The following TSHZ3 variants were observed in gnomAD, a reference collection of about 807,000 sequenced individuals.
The protein encoded by TSHZ3 is teashirt homolog 3.
In TSHZ3, 10 loss-of-function variants were observed where a neutral mutation model predicts 64.5. The observed-to-expected ratio is 0.16, with a 90% CI of 0.10 to 0.26. The LOEUF is 0.26. TSHZ3 is among the 10% of genes least tolerant of loss of function. TSHZ3 has a pLI of 1.00. For missense variants in TSHZ3, 1,242 were observed against 1,421.7 expected, an observed-to-expected ratio of 0.87 and a Z score of 2.03; for synonymous variants, 608 against 593.1, an observed-to-expected ratio of 1.03 and a Z score of -0.36.
chr19:31,203,256 G>A (rs141875842), intron 5 of TSHZ3, among the ~76,000 whole-genome samples: 165 of 152,262 alleles, frequency 1.1e-3, no homozygotes, highest in Non-Finnish European at 1.7e-3. Context: ...GGCACAATTG[G>A]CATGCTGAAG....
At chr19:31,319,860 A>G (rs1261801999) in intron 1 of TSHZ3, among the ~76,000 whole-genome samples, 1 of 149,576 alleles carries the variant, frequency 6.7e-6, no homozygotes, top group East Asian at 2.0e-4. Flanking sequence ...TGAATGACAT[A>G]TATGGACTCT....
intron 1 of TSHZ3, among the ~76,000 whole-genome samples, chr19:31,246,818 C>T (rs1049674754): frequency 1.3e-5 from 2 of 152,090 alleles, no homozygotes; most frequent in South Asian, 2.1e-4. Context: ...GGCCTGCAAC[C>T]GAGAAAGCAC....
chr19:31,251,626 C>T (rs1332135624), intron 1 of TSHZ3, among the ~76,000 whole-genome samples: 1 of 152,210 alleles, frequency 6.6e-6, no homozygotes, highest in Admixed American at 6.5e-5. Flanking sequence ...CCCAACCCTG[C>T]CGTGATATGG....
At position 31,278,381 on chromosome 19, in the gene TSHZ3, T is replaced by C; in HGVS notation, c.1412A>G (p.Lys471Arg). Residue 471 changes from lysine to arginine, a missense_variant, in exon 2 of 2, where the codon AAG becomes AGG. Physicochemically the swap from Lys to Arg is conservative, Grantham distance 26 (BLOSUM62 2). Around this residue, in one of 4 missense-constraint regions of TSHZ3, gnomAD observed 555 missense variants for 704.0 expected, o/e 0.79. Transcript: ENST00000240587. This position sits in a 1 kb window ranked among gnomAD's most constrained non-coding sequence, Gnocchi z 4.7. ...CGCTTTCTCCTTGTCGACTTCCTTCTTGACCTCCACATTCAGTTTTGGGGA... is the reference window on the plus strand; with the variant it reads ...CGCTTTCTCCTTGTCGACTTCCTTCCTGACCTCCACATTCAGTTTTGGGGA... ...SISPKLNVEV[K>R]KEVDKEKAVT... 2 of 1,614,170 alleles carry C rather than the reference T, an allele frequency of 1.2e-6. No homozygotes were observed. Among genetic ancestry groups the C allele is most frequent in the Non-Finnish European group, 1.7e-6 (2 of 1,180,030 alleles).
At chr19:31,253,304 C>G (rs1975865373) in intron 1 of TSHZ3, among the ~76,000 whole-genome samples, 1 of 152,038 alleles carries the variant, frequency 6.6e-6, no homozygotes, top group African/African-American at 2.4e-5. Context: ...CACACATAGA[C>G]TTTTCAGAGA....
At chr19:31,207,488 C>G (rs1975198239) in intron 4 of TSHZ3, 1 of 151,980 alleles carries the variant, frequency 6.6e-6, no homozygotes, top group Non-Finnish European at 1.5e-5. Flanking sequence ...TTTTTTCTCT[C>G]TTAATTCCAG....
chr19:31,195,429 A>C (rs1383237193), intron 5 of TSHZ3, among the ~76,000 whole-genome samples: 1 of 152,162 alleles, frequency 6.6e-6, no homozygotes, highest in Non-Finnish European at 1.5e-5. Flanking sequence ...CAGCAAGAAG[A>C]GAGTGGACTG....
downstream of TSHZ3, among the ~76,000 whole-genome samples, chr19:31,274,578 G>C (rs1029936692): frequency 3.9e-5 from 6 of 152,104 alleles, no homozygotes; most frequent in African/African-American, 1.4e-4. Flanking sequence ...TGAACCCCGG[G>C]CATCCAGAAG....
At chr19:31,234,086 C>A (rs117145891) in intron 3 of TSHZ3, among the ~76,000 whole-genome samples, 10 of 152,050 alleles carry the variant, frequency 6.6e-5, no homozygotes, top group Admixed American at 3.3e-4. Context: ...TCCTTAATTT[C>A]TTTCAAAAAT....
At chr19:31,234,571 C>T (rs1196033399) in intron 3 of TSHZ3, among the ~76,000 whole-genome samples, 2 of 152,106 alleles carry the variant, frequency 1.3e-5, no homozygotes, top group Non-Finnish European at 1.5e-5. Context: ...CAATTTGCTG[C>T]GTGTTTTTCA....
intron 1 of TSHZ3, among the ~76,000 whole-genome samples, chr19:31,258,095 C>A (rs1221413517): frequency 1.3e-5 from 2 of 152,166 alleles, no homozygotes; most frequent in Non-Finnish European, 2.9e-5. Context: ...CGGAAACAAG[C>A]ATCCCAGGCT....
intron 1 of TSHZ3, among the ~76,000 whole-genome samples, chr19:31,286,559 T>C (rs77112780): frequency 4.0e-4 from 61 of 152,224 alleles, no homozygotes; most frequent in Admixed American, 4.0e-3. Flanking sequence ...ACACTTGCAC[T>C]GAGGAACCAG....
chr19:31,179,174 G>C (rs899401118), intron 5 of TSHZ3, among the ~76,000 whole-genome samples: 10 of 152,090 alleles, frequency 6.6e-5, no homozygotes, highest in African/African-American at 1.9e-4. Context: ...AACAGCAAGG[G>C]AAGATAAAAC....
At chr19:31,203,619 C>T (rs1427981250) in intron 5 of TSHZ3, among the ~76,000 whole-genome samples, 8 of 152,042 alleles carry the variant, frequency 5.3e-5, no homozygotes, top group Admixed American at 2.0e-4. Flanking sequence ...GGGACGGTCA[C>T]ACCACACAGA....
At position 31,282,353 on chromosome 19, in the gene TSHZ3, C is replaced by A. The variant is rs180985331; in HGVS notation, c.41-2601G>T. Among the ~76,000 whole-genome samples, 177 of 152,230 alleles carry A rather than the reference C, an allele frequency of 1.2e-3. 2 individuals are homozygous for A. In the East Asian group the frequency reaches 0.03, roughly 26 times the overall value. On this transcript the variant is annotated intron_variant, in intron 1 of 1. Coordinates refer to ENST00000240587, the MANE Select transcript of TSHZ3 (RefSeq NM_020856.4). ...GGATTTTGCTCCTATTACAGTGGCT[C>A]CCATGAAATTAAGTCTGAGAGAGAA...
chr19:31,199,316 A>ATC (rs1183598955), intron 5 of TSHZ3, among the ~76,000 whole-genome samples: 4 of 150,648 alleles, frequency 2.7e-5, no homozygotes, highest in Non-Finnish European at 5.9e-5. Context: ...ACGCAGGAGA[A>ATC]TCGCTTGAAC....
At chr19:31,191,313 A>T (rs1974902448) in intron 5 of TSHZ3, among the ~76,000 whole-genome samples, 1 of 152,256 alleles carries the variant, frequency 6.6e-6, no homozygotes, top group African/African-American at 2.4e-5. Flanking sequence ...ATCATTTAAC[A>T]TACAAGAAAA....
chr19:31,291,236 G>A (rs189091495), intron 1 of TSHZ3, among the ~76,000 whole-genome samples: 7 of 152,186 alleles, frequency 4.6e-5, no homozygotes, highest in Admixed American at 1.3e-4. Context: ...TTCCTCCAGC[G>A]GTGATGGGAA....
At chr19:31,167,647 C>G (rs1204206571) in intron 5 of TSHZ3, 1 of 152,248 alleles carries the variant, frequency 6.6e-6, no homozygotes, top group Non-Finnish European at 1.5e-5. Flanking sequence ...ACAGCAAGCT[C>G]TCTTTCCAGA....
Sources: allele counts gnomAD v4.1 joint callset (sites outside exome capture counted in the v4.1 genomes callset), GRCh38; gene constraint gnomAD v4.1.1; regional missense constraint gnomAD v4.1.1; non-coding constraint Gnocchi (gnomAD v3.1); transcripts MANE v1.5; gene names NCBI Gene and HGNC (gene_info 2026-07-23, HGNC 2026-07-21).